Variants in RORA observed in about 807,000 individuals in gnomAD.
RORA encodes the protein RAR related orphan receptor A.
In RORA, 7 loss-of-function variants were observed where a neutral mutation model predicts 69.5. The observed-to-expected ratio is 0.10, with a 90% confidence interval of 0.06 to 0.19. The LOEUF (loss-of-function observed/expected upper bound fraction) is 0.19, where lower values mean the gene tolerates loss of function less well. Ranked by LOEUF, RORA falls within the 10% of genes least tolerant of loss-of-function variation. RORA has a pLI of 1.00. For synonymous variants in RORA, 261 were observed against 240.8 expected (o/e 1.08, Z -0.78); for missense variants, 457 against 663.0 (o/e 0.69, Z 3.41).
In RORA at chr15:60,754,250, CCAT is replaced by C. The variant is rs1335149598; in HGVS notation, c.167-75567_167-75565del. Among the ~76,000 whole-genome samples, 3 of 152,146 alleles carry C rather than the reference CCAT, an allele frequency of 2.0e-5. No homozygotes were observed. The East Asian group carries it at 5.8e-4, about 29-fold the overall frequency. The stretch of plus-strand genomic sequence containing the variant: ...CCTTGTGAGAACGTGTCACATTTTC[CCAT>C]CATCTTTTGTTTACATCATTGTTTC... On this transcript the variant is annotated intron_variant, in intron 1 of 10. Coordinates refer to ENST00000335670, the MANE Select transcript of RORA (RefSeq NM_134261.3).
intron 1 of RORA, among the ~76,000 whole-genome samples, chr15:60,854,642 G>A (rs2073361630): frequency 1.3e-5 from 2 of 152,188 alleles, no homozygotes; most frequent in African/African-American, 4.8e-5. Context: ...CTTCAGCTAA[G>A]CTTCCTAGCA....
At chr15:61,207,425 T>C (rs1239153743) in intron 1 of RORA, among the ~76,000 whole-genome samples, 1 of 152,226 alleles carries the variant, frequency 6.6e-6, no homozygotes, top group African/African-American at 2.4e-5. Flanking sequence ...GCATCCAGAA[T>C]ACTGACTTGC....
chr15:60,627,655 C>A, intron 2 of RORA: 1 of 461,688 alleles, frequency 2.2e-6, no homozygotes, highest in Non-Finnish European at 2.8e-6. Context: ...TTTTTCAATA[C>A]CAAATAGTTT....
At chr15:61,059,961 AG>A (rs2078152684) in intron 1 of RORA, among the ~76,000 whole-genome samples, 1 of 128,514 alleles carries the variant, frequency 7.8e-6, no homozygotes, top group Non-Finnish European at 1.6e-5. Context: ...AAGAAGAAGA[AG>A]AGGAAGAGGA....
intron 1 of RORA, among the ~76,000 whole-genome samples, chr15:61,207,121 C>T (rs1487060560): frequency 6.6e-6 from 1 of 151,862 alleles, no homozygotes; most frequent in Non-Finnish European, 1.5e-5. Context: ...CATATGTATA[C>T]ATATATACAC....
chr15:61,172,915 A>G (rs1488416192), intron 1 of RORA, among the ~76,000 whole-genome samples: 4 of 152,158 alleles, frequency 2.6e-5, no homozygotes, highest in Admixed American at 6.5e-5. Context: ...AAGCCTCTGC[A>G]AGTTTTTCAC....
In RORA at chr15:60,524,926, C is replaced by T. The variant is rs143921911; in HGVS notation, c.282+6840G>A. Among the ~76,000 whole-genome samples, 4 of 152,240 alleles carry T rather than the reference C, an allele frequency of 2.6e-5. No homozygotes were observed. The East Asian group carries it at 7.7e-4, about 29-fold the overall frequency. ...AGAGGTTAAGCCGTGTGCCCAAAGT[C>T]ACAGAGCAGGTAAGGGGAGGGCCCA... On this transcript the variant is annotated intron_variant, in intron 3 of 10. Coordinates refer to ENST00000335670, the MANE Select transcript of RORA (RefSeq NM_134261.3).
chr15:60,934,573 C>T (rs1055783089), intron 1 of RORA, among the ~76,000 whole-genome samples: 9 of 152,128 alleles, frequency 5.9e-5, no homozygotes, highest in Admixed American at 1.3e-4. Flanking sequence ...CTACTGGCCT[C>T]AAGCAGTCCT....
Position 61,055,711 on chromosome 15 carries a change from TTCCC to T in RORA, c.166+173338_166+173341del, listed in dbSNP as rs1472466457. Reference sequence around the variant, plus strand: ...CTGAACTTTTATCACACATCAAAATTTCCCTCCTATATTTTTAGAACCATTTCAG... The same window carrying T: ...CTGAACTTTTATCACACATCAAAATTTCCTATATTTTTAGAACCATTTCAG... On this transcript the variant is annotated intron_variant, in intron 1 of 10. Transcript: ENST00000335670. 9.2e-5 allele frequency among the ~76,000 whole-genome samples: 14 copies of T among 152,348 alleles called. No individual in the cohort carries two copies. The East Asian group carries it at 2.7e-3, about 29-fold the overall frequency.
intron 1 of RORA, among the ~76,000 whole-genome samples, chr15:60,839,254 T>C (rs1055295735): frequency 7.9e-5 from 12 of 152,158 alleles, no homozygotes; most frequent in African/African-American, 2.4e-4. Context: ...AGTATTAATA[T>C]ATTGTACCCT....
intron 1 of RORA, among the ~76,000 whole-genome samples, chr15:60,768,877 G>A (rs2072028300): frequency 1.3e-5 from 2 of 152,246 alleles, no homozygotes; most frequent in South Asian, 4.1e-4. Context: ...AGGATGCAGA[G>A]TAGAGGCTGT....
chr15:61,194,942 G>C (rs891300248), intron 1 of RORA, among the ~76,000 whole-genome samples: 1 of 149,398 alleles, frequency 6.7e-6, no homozygotes, highest in Non-Finnish European at 1.5e-5. Flanking sequence ...GTCAATGCAA[G>C]TAAAATGATT....
In RORA at chr15:60,843,824, G is replaced by C. The variant is rs945568954; in HGVS notation, c.167-165138C>G. Among the ~76,000 whole-genome samples the C allele has an allele frequency of 2.0e-5, 3 of 152,218 alleles. No homozygotes were observed. The South Asian group carries it at 6.2e-4, about 32-fold the overall frequency. ...CTCTTTTTGCTTTTCCTGGGTCTCT[G>C]GTGCACTTGTTGGATTGAATCTTAA... On this transcript the variant is annotated intron_variant, in intron 1 of 10. Coordinates refer to ENST00000335670, the MANE Select transcript of RORA (RefSeq NM_134261.3).
intron 2 of RORA, among the ~76,000 whole-genome samples, chr15:60,621,565 A>C (rs1400694301): frequency 1.3e-5 from 2 of 152,170 alleles, no homozygotes; most frequent in Non-Finnish European, 2.9e-5. Flanking sequence ...AAGTGGCCTA[A>C]TTAGGCTATG....
At chr15:61,098,543 A>G (rs2078831718) in intron 1 of RORA, among the ~76,000 whole-genome samples, 1 of 151,936 alleles carries the variant, frequency 6.6e-6, no homozygotes, top group South Asian at 2.1e-4. Flanking sequence ...GAGTCTCACT[A>G]TGTTGCCCAG....
At chr15:61,054,066 G>A (rs997716024) in intron 1 of RORA, among the ~76,000 whole-genome samples, 2 of 151,742 alleles carry the variant, frequency 1.3e-5, no homozygotes, top group African/African-American at 2.4e-5. Context: ...TGGGTGGTAG[G>A]TGTGACTTGG....
chr15:60,948,547 A>G (rs754444074), intron 1 of RORA, among the ~76,000 whole-genome samples: 1 of 152,162 alleles, frequency 6.6e-6, no homozygotes, highest in Non-Finnish European at 1.5e-5. Context: ...ACAATATATA[A>G]TTTATGCCAG....
At chr15:60,614,570 C>G (rs375986114) in intron 2 of RORA, among the ~76,000 whole-genome samples, 1 of 152,212 alleles carries the variant, frequency 6.6e-6, no homozygotes, top group East Asian at 1.9e-4. Flanking sequence ...ATGCAGTTCA[C>G]GGACAATCTG....
At chr15:60,767,646 C>T (rs1246881105) in intron 1 of RORA, among the ~76,000 whole-genome samples, 2 of 152,222 alleles carry the variant, frequency 1.3e-5, no homozygotes, top group African/African-American at 4.8e-5. Flanking sequence ...TCTAACCACA[C>T]CACACTTCTC....
Sources: gnomAD v4.1 joint callset for allele counts (sites outside exome capture counted in the v4.1 genomes callset) on GRCh38, gnomAD v4.1.1 for gene constraint, MANE v1.5 for transcripts, NCBI Gene and HGNC (gene_info 2026-07-23, HGNC 2026-07-21) for gene names.